The following B4GALT5 variants were observed in gnomAD, a reference collection of about 807,000 sequenced individuals.
B4GALT5 encodes UDP-Gal:beta-GlcNAc beta-1,4-galactosyltransferase 5.
Under a neutral mutation model 45.0 loss-of-function variants are expected in B4GALT5, and 11 were observed. The observed-to-expected ratio is 0.24, with a 90% confidence interval of 0.15 to 0.40. The LOEUF (loss-of-function observed/expected upper bound fraction) is 0.40, where lower values mean the gene tolerates loss of function less well. Among genes scored for constraint, B4GALT5 ranks in the 10% least tolerant of loss-of-function variants. The pLI is 1.00. For missense variants in B4GALT5, 337 were observed against 500.2 expected, an observed-to-expected ratio of 0.67 and a Z score of 3.11; for synonymous variants, 185 against 182.9, an observed-to-expected ratio of 1.01 and a Z score of -0.09.
intron 1 of B4GALT5, among the ~76,000 whole-genome samples, chr20:49,694,006 G>C (rs1306601323): frequency 6.6e-6 from 1 of 152,118 alleles, no homozygotes; most frequent in Admixed American, 6.6e-5. Flanking sequence ...TCGATAATTA[G>C]CCACCTCATT....
At chr20:49,671,187 T>C (rs2146344350) in intron 1 of B4GALT5, among the ~76,000 whole-genome samples, 1 of 152,254 alleles carries the variant, frequency 6.6e-6, no homozygotes, top group African/African-American at 2.4e-5. Context: ...AAGATCAGCC[T>C]GGTCAACATG....
At chr20:49,658,423 TA>T (rs1306513728) in intron 1 of B4GALT5, among the ~76,000 whole-genome samples, 1 of 152,232 alleles carries the variant, frequency 6.6e-6, no homozygotes, top group Non-Finnish European at 1.5e-5. Flanking sequence ...GGCTGTGCAG[TA>T]TGTTCCCACT....
intron 1 of B4GALT5, among the ~76,000 whole-genome samples, chr20:49,686,500 T>A (rs764765595): frequency 9.2e-5 from 14 of 151,976 alleles, no homozygotes; most frequent in Admixed American, 9.2e-4. Context: ...AAGTTCCCAA[T>A]TCACAGATGG....
Position 49,642,451 on chromosome 20 carries a change from A to G in B4GALT5, c.606+17T>C, listed in dbSNP as rs2085580951. On this transcript the variant is annotated intron_variant, in intron 5 of 8. Transcript: ENST00000371711. ...TCTCAGAAGAGAAAAAAGAAAGGAA[A>G]AGAAAGGACTACTCACTTGTTCAAC... 1.9e-6 allele frequency: 3 copies of G among 1,565,734 alleles called. No individual in the cohort carries two copies. The highest frequency in any genetic ancestry group is 2.6e-6 in the Non-Finnish European group (3 of 1,140,948).
intron 1 of B4GALT5, among the ~76,000 whole-genome samples, chr20:49,682,052 C>A (rs1227134382): frequency 6.6e-6 from 1 of 152,200 alleles, no homozygotes; most frequent in Non-Finnish European, 1.5e-5. Context: ...GCTTCCATTG[C>A]ATCACTGCAC....
chr20:49,668,858 C>T (rs558597412), intron 1 of B4GALT5, among the ~76,000 whole-genome samples: 8 of 152,118 alleles, frequency 5.3e-5, no homozygotes, highest in African/African-American at 1.4e-4. Flanking sequence ...TTGTGACACC[C>T]GCTCATACTA....
At chr20:49,653,257 A>G (rs888404628) in intron 2 of B4GALT5, among the ~76,000 whole-genome samples, 12 of 152,060 alleles carry the variant, frequency 7.9e-5, no homozygotes, top group Admixed American at 1.3e-4. Context: ...AGGTTTCATC[A>G]TGTGTGGATT....
chr20:49,705,450 T>C (rs973118063), intron 1 of B4GALT5, among the ~76,000 whole-genome samples: 7 of 152,174 alleles, frequency 4.6e-5, no homozygotes, highest in East Asian at 1.9e-4. Flanking sequence ...CAGATTTCCA[T>C]GTAGAGACAC....
At chr20:49,662,676 T>C (rs1415789863) in intron 1 of B4GALT5, among the ~76,000 whole-genome samples, 1 of 152,198 alleles carries the variant, frequency 6.6e-6, no homozygotes, top group Non-Finnish European at 1.5e-5. Flanking sequence ...AGCTCAGTCA[T>C]TCCTTTCCAC....
chr20:49,705,280 G>A (rs1376615579), intron 1 of B4GALT5, among the ~76,000 whole-genome samples: 1 of 152,124 alleles, frequency 6.6e-6, no homozygotes, highest in Non-Finnish European at 1.5e-5. Context: ...AGATCAAAAT[G>A]TAAAAGGATT....
intron 1 of B4GALT5, among the ~76,000 whole-genome samples, chr20:49,664,926 T>C (rs183489490): frequency 1.3e-5 from 2 of 152,246 alleles, no homozygotes; most frequent in East Asian, 3.9e-4. Context: ...AGAGCATATA[T>C]TTATTGTACT....
intron 1 of B4GALT5, among the ~76,000 whole-genome samples, chr20:49,712,569 C>T (rs2146366030): frequency 6.6e-6 from 1 of 152,278 alleles, no homozygotes; most frequent in East Asian, 1.9e-4. Context: ...CATGCTCCCC[C>T]TTCTCACCTG....
chr20:49,712,575 A>AC (rs1477254992), intron 1 of B4GALT5, among the ~76,000 whole-genome samples: 1 of 151,978 alleles, frequency 6.6e-6, no homozygotes, highest in East Asian at 1.9e-4. Context: ...CCCCCTTCTC[A>AC]CCTGGTACCA....
chr20:49,696,762 T>G (rs1161009425), intron 1 of B4GALT5, among the ~76,000 whole-genome samples: 1 of 152,210 alleles, frequency 6.6e-6, no homozygotes. Flanking sequence ...TCAACCAAGT[T>G]GATTTAATGG....
At chr20:49,694,835 C>T (rs73119790) in intron 1 of B4GALT5, among the ~76,000 whole-genome samples, 2,924 of 113,206 alleles carry the variant, frequency 0.026, 39 homozygotes, top group South Asian at 0.057. Context: ...GAAAGACAGA[C>T]AGATACACAC....
chr20:49,684,504 A>AGCG, intron 1 of B4GALT5: 2 of 502,030 alleles, frequency 4.0e-6, no homozygotes, highest in South Asian at 2.9e-5. Flanking sequence ...CAGAGCTTGC[A>AGCG]GTGAGCCAAG....
In B4GALT5 at chr20:49,656,600, T is replaced by C. The variant is rs1842278480; in HGVS notation, c.218A>G (p.Tyr73Cys). 2 of 1,614,078 alleles carry C rather than the reference T, an allele frequency of 1.2e-6. No homozygotes were observed. Among genetic ancestry groups the C allele is most frequent in the African/African-American group, 2.7e-5 (2 of 74,930 alleles). ...QVYEQVLRSA[Y>C]AKRNSSVNDS... is the part of the protein sequence containing the mutation. ...ATTTACACTGCTGTTCCTCTTGGCA[T>C]AAGCACTCCGAAGCACCTGCTCATA... Residue 73 changes from tyrosine (Y) to cysteine (C), a missense_variant, in exon 2 of 9, where the codon TAT (tyrosine) becomes TGT (cysteine). By Grantham distance (194) the Tyr-to-Cys change is radical (BLOSUM62 -2). Coordinates refer to ENST00000371711, the MANE Select transcript of B4GALT5 (RefSeq NM_004776.4).
chr20:49,693,066 T>C (rs2085823131), intron 1 of B4GALT5, among the ~76,000 whole-genome samples: 1 of 152,204 alleles, frequency 6.6e-6, no homozygotes. Flanking sequence ...TAATAGGCTA[T>C]ACCATACAGC....
chr20:49,700,186 A>T (rs2085855911), intron 1 of B4GALT5, among the ~76,000 whole-genome samples: 1 of 152,214 alleles, frequency 6.6e-6, no homozygotes, highest in Admixed American at 6.5e-5. Flanking sequence ...ACCTTGGTAA[A>T]ATAAACTTCT....
Sources: allele counts gnomAD v4.1 joint callset (sites outside exome capture counted in the v4.1 genomes callset), GRCh38; gene constraint gnomAD v4.1.1; transcripts MANE v1.5; gene names NCBI Gene and HGNC (gene_info 2026-07-23, HGNC 2026-07-21).